The following WDR17 variants were observed in gnomAD, a reference collection of about 807,000 sequenced individuals.
WDR17 encodes WD repeat-containing protein 17.
In WDR17, 143 loss-of-function variants were observed where a neutral mutation model predicts 161.7. The ratio of observed to expected loss-of-function variants is 0.88; its 90% CI spans 0.77 to 1.02. WDR17 has a LOEUF of 1.02. Ranked by LOEUF, WDR17 falls within the 50% of genes least tolerant of loss-of-function variation. The pLI is 0.00. For missense variants in WDR17, 1,469 were observed against 1,520.9 expected, an observed-to-expected ratio of 0.97 and a Z score of 0.57; for synonymous variants, 517 against 515.6, an observed-to-expected ratio of 1.00 and a Z score of -0.04.
At chr4:176,133,271 AAAAGAAG>A (rs1561153642) in intron 7 of WDR17, among the ~76,000 whole-genome samples, 2 of 130,690 alleles carry the variant, frequency 1.5e-5, no homozygotes, top group Non-Finnish European at 3.3e-5. Context: ...AAAAAAAAAA[AAAAGAAG>A]AAGAAGAAGA....
rs78249667 is a variant in WDR17 at position 176,126,766 on chromosome 4, G to C, written c.790+1411G>C. ...CAACTGTCAAGGCCGGACCCAGCTG[G>C]AGCTAATGGGATCATGGGGGCCACA... On this transcript the variant is annotated intron_variant, in intron 5 of 28. Coordinates refer to ENST00000508596, the MANE Select transcript of WDR17 (RefSeq NM_181265.4). Among the ~76,000 whole-genome samples, 1,300 of 152,246 alleles carry C rather than the reference G, an allele frequency of 8.5e-3. 29 individuals are homozygous for C. Among genetic ancestry groups the C allele is most frequent in the African/African-American group, 0.029 (1,204 of 41,546 alleles).
intron 1 of WDR17, among the ~76,000 whole-genome samples, chr4:176,102,286 A>G (rs1284848516): frequency 6.6e-6 from 1 of 152,144 alleles, no homozygotes; most frequent in East Asian, 1.9e-4. Flanking sequence ...GTCTTTGGGA[A>G]TTGCAAATTA....
chr4:176,083,323 G>T (rs1579002535), intron 1 of WDR17, among the ~76,000 whole-genome samples: 1 of 151,974 alleles, frequency 6.6e-6, no homozygotes, highest in East Asian at 1.9e-4. Context: ...TCATTCAGAG[G>T]CAATTCTTCC....
intron 2 of WDR17, among the ~76,000 whole-genome samples, chr4:176,113,014 T>G (rs1267148198): frequency 1.3e-5 from 2 of 152,150 alleles, no homozygotes; most frequent in Non-Finnish European, 2.9e-5. Context: ...TAAGATTTTA[T>G]GTAGTCCATT....
At chr4:176,115,649 G>A in intron 2 of WDR17, 147 bp from the exon 3 acceptor site, 2 of 502,572 alleles carry the variant, frequency 4.0e-6, no homozygotes, top group Non-Finnish European at 6.4e-6. Context: ...CTTGAATGTA[G>A]ACCAAGGCTT....
In WDR17 at chr4:176,143,037, G is replaced by A. The variant is rs181383920; in HGVS notation, c.1529+968G>A. ...TGGGATTATGGGCATGCGCCACCAC[G>A]CCCAGCTAATTTTGTATTTTTAGTA... On this transcript the variant is annotated intron_variant, in intron 11 of 28. Transcript: ENST00000508596. Among the ~76,000 whole-genome samples, 310 of 152,196 alleles carry A rather than the reference G, an allele frequency of 2.0e-3. 1 individual carries two copies. The highest frequency in any genetic ancestry group is 6.5e-3 in the African/African-American group (269 of 41,534).
At chr4:176,131,462 T>G in intron 6 of WDR17, 92 bp from the exon 7 acceptor site, 1 of 1,288,192 alleles carries the variant, frequency 7.8e-7, no homozygotes, top group Non-Finnish European at 1.0e-6. Context: ...GGTTTACTGG[T>G]ACAGATTCTG....
At chr4:176,153,848 CA>C (rs903744012) in intron 17 of WDR17, among the ~76,000 whole-genome samples, 21 of 152,138 alleles carry the variant, frequency 1.4e-4, no homozygotes, top group Non-Finnish European at 3.1e-4. Context: ...AAAATGTTAT[CA>C]AAAAGGCATT....
chr4:176,156,207 T>C, intron 18 of WDR17, 64 bp downstream of exon 18: 2 of 1,490,454 alleles, frequency 1.3e-6, no homozygotes, highest in Non-Finnish European at 1.8e-6. Context: ...AGAAGCAGTA[T>C]ATAAATATGG....
intron 1 of WDR17, chr4:176,098,233 AC>A (rs1737213954): frequency 5.9e-6 from 1 of 169,344 alleles, no homozygotes; most frequent in African/African-American, 2.4e-5. Flanking sequence ...GAATAAATCT[AC>A]CCCATATGCA....
At chr4:176,120,436 T>A in intron 4 of WDR17, among the ~76,000 whole-genome samples, 1 of 151,866 alleles carries the variant, frequency 6.6e-6, no homozygotes. Flanking sequence ...AAAAACAACC[T>A]GAATGAACAA....
In WDR17 at chr4:176,131,663, A is replaced by C. The variant is rs1425145250; in HGVS notation, c.1023A>C (p.Ala341=). The change falls in exon 7 of 29, where the codon GCA becomes GCC. Residue 341 remains alanine, a synonymous_variant. Coordinates refer to ENST00000508596, the MANE Select transcript of WDR17 (RefSeq NM_181265.4). ...CATTTTCTCTTCCTCCTGGTCATGC[A>C]GTGTGTTGTTTCTTGGATGGTGGAG... ...NQAFSLPPGH[A]VCCFLDGGVG... is the part of the protein sequence containing the mutation. 1 of 1,613,742 alleles carries C rather than the reference A, an allele frequency of 6.2e-7. No individual in the cohort carries two copies. Among genetic ancestry groups the C allele is most frequent in the South Asian group, 1.1e-5 (1 of 91,056 alleles).
chr4:176,163,288 A>G lies in WDR17; in HGVS notation c.2985A>G (p.Ser995=). ...ELLARKCMMI[S]VWNLAADLLL... ...TGGCGAGAAAGTGCATGATGATTTC[A>G]GTATGGTAAGAATTTTGAAATTCAA... The change falls in exon 22 of 29, where the codon TCA becomes TCG. Residue 995 remains serine, a synonymous_variant. Transcript: ENST00000508596. 1 of 1,598,908 alleles carries G rather than the reference A, an allele frequency of 6.3e-7. No individual in the cohort carries two copies. Among genetic ancestry groups the G allele is most frequent in the Non-Finnish European group, 8.5e-7 (1 of 1,175,630 alleles).
intron 4 of WDR17, among the ~76,000 whole-genome samples, chr4:176,121,862 G>A (rs1741641909): frequency 6.6e-6 from 1 of 152,132 alleles, no homozygotes; most frequent in Non-Finnish European, 1.5e-5. Context: ...TGAACAGTCT[G>A]AGATATGTGC....
At chr4:176,072,092 A>G (rs1733318652) in intron 1 of WDR17, among the ~76,000 whole-genome samples, 3 of 152,134 alleles carry the variant, frequency 2.0e-5, no homozygotes, top group Admixed American at 1.3e-4. Flanking sequence ...TGTACTTGTG[A>G]CCTATTTTGT....
At chr4:176,111,522 G>A (rs1352710905) in intron 1 of WDR17, 53 bp from the exon 2 acceptor site, 28 of 1,568,002 alleles carry the variant, frequency 1.8e-5, no homozygotes, top group Non-Finnish European at 2.3e-5. Context: ...AAACAATGAG[G>A]AAGTTTATCA....
At chr4:176,156,630 A>G (rs1189672705) in intron 18 of WDR17, among the ~76,000 whole-genome samples, 1 of 151,788 alleles carries the variant, frequency 6.6e-6, no homozygotes, top group Non-Finnish European at 1.5e-5. Context: ...GAATGCAATA[A>G]CCCGACAAGA....
intron 3 of WDR17, among the ~76,000 whole-genome samples, chr4:176,117,708 A>C (rs1187235667): frequency 6.6e-6 from 1 of 152,090 alleles, no homozygotes; most frequent in Non-Finnish European, 1.5e-5. Context: ...ATGATGAGAT[A>C]ATTGTGGAAA....
At chr4:176,165,818 A>G (rs1040081152) in intron 22 of WDR17, among the ~76,000 whole-genome samples, 8 of 152,214 alleles carry the variant, frequency 5.3e-5, no homozygotes, top group Non-Finnish European at 7.3e-5. Flanking sequence ...AAGAAAAAAC[A>G]AACTTCTTCC....
Sources: allele counts gnomAD v4.1 joint callset (sites outside exome capture counted in the v4.1 genomes callset), GRCh38; gene constraint gnomAD v4.1.1; transcripts MANE v1.5; gene names NCBI Gene and HGNC (gene_info 2026-07-23, HGNC 2026-07-21).